Variants in DOK5 observed in about 807,000 individuals in gnomAD.
DOK5 encodes docking protein 5.
Under a neutral mutation model 43.3 loss-of-function variants are expected in DOK5, and 27 were observed. The observed-to-expected ratio is 0.62, with a 90% confidence interval of 0.46 to 0.86. The LOEUF is 0.86. Ranked by LOEUF, DOK5 falls within the 40% of genes least tolerant of loss-of-function variation. The pLI, the probability that DOK5 is intolerant of heterozygous loss-of-function variation, is 0.00. For synonymous variants in DOK5, 146 were observed against 140.1 expected, an observed-to-expected ratio of 1.04 and a Z score of -0.30; for missense variants, 373 against 392.9, an observed-to-expected ratio of 0.95 and a Z score of 0.43.
Position 54,500,629 on chromosome 20 carries a change from T to G in DOK5, c.66+24617T>G, listed in dbSNP as rs376243677. Reference sequence around the variant, plus strand: ...CGGGCTGGAGTATAGTGGCACGATCTCGGCTCACCACAACCTCTACCTCCC... The same window carrying G: ...CGGGCTGGAGTATAGTGGCACGATCGCGGCTCACCACAACCTCTACCTCCC... On this transcript the variant is annotated intron_variant, in intron 1 of 7. Transcript: ENST00000262593. 4.1e-3 allele frequency among the ~76,000 whole-genome samples: 609 copies of G among 149,038 alleles called. 5 individuals are homozygous for G. Among genetic ancestry groups the G allele is most frequent in the African/African-American group, 0.014 (578 of 40,224 alleles).
intron 2 of DOK5, among the ~76,000 whole-genome samples, chr20:54,585,986 T>C (rs1482015442): frequency 6.6e-6 from 1 of 152,000 alleles, no homozygotes; most frequent in Non-Finnish European, 1.5e-5. Context: ...TAGCTGAGTG[T>C]GGTGGTGGGC....
chr20:54,567,455 A>G (rs1465162110), intron 2 of DOK5, among the ~76,000 whole-genome samples: 1 of 152,034 alleles, frequency 6.6e-6, no homozygotes, highest in East Asian at 1.9e-4. Flanking sequence ...TCCTTATTGA[A>G]TTGATTTTTT....
chr20:54,643,502 G>T lies in DOK5; in HGVS notation c.780G>T (p.Met260Ile). ...MSERAASLST[M>I]VPLPRSAYWQ... The stretch of plus-strand genomic sequence containing the variant: ...AGCGGGCCGCCTCGCTGAGCACCAT[G>T]GTGCCCCTGCCTCGCAGCGCCTACT... Residue 260 changes from methionine (M) to isoleucine (I), a missense_variant, in exon 7 of 8, where the codon ATG becomes ATT. By Grantham distance (10) the Met-to-Ile change is conservative. Coordinates refer to ENST00000262593, the MANE Select transcript of DOK5 (RefSeq NM_018431.5). The T allele has an allele frequency of 1.2e-6, 2 of 1,613,654 alleles. No individual in the cohort carries two copies. Among genetic ancestry groups the T allele is most frequent in the Non-Finnish European group, 1.7e-6 (2 of 1,180,034 alleles).
At chr20:54,645,529 C>G (rs1045864402) in intron 7 of DOK5, among the ~76,000 whole-genome samples, 2 of 152,082 alleles carry the variant, frequency 1.3e-5, no homozygotes, top group Admixed American at 6.5e-5. Context: ...ATGCTGCGCC[C>G]GTCCCTCATC....
At chr20:54,591,562 T>G in intron 4 of DOK5, 54 bp from the exon 5 acceptor site, 1 of 1,369,274 alleles carries the variant, frequency 7.3e-7, no homozygotes, top group Non-Finnish European at 1.0e-6. Context: ...TCCTACAATG[T>G]CTTTGATGTT....
chr20:54,575,193 A>T (rs751526436), intron 2 of DOK5, among the ~76,000 whole-genome samples: 1 of 152,326 alleles, frequency 6.6e-6, no homozygotes, highest in African/African-American at 2.4e-5. Context: ...AACAGGCAGG[A>T]ATCATTTACA....
intron 6 of DOK5, among the ~76,000 whole-genome samples, chr20:54,634,925 AC>A (rs1244707339): frequency 1.3e-5 from 2 of 152,024 alleles, no homozygotes; most frequent in East Asian, 3.9e-4. Flanking sequence ...CTAAGAAGAA[AC>A]CCCACCTCCT....
chr20:54,585,307 G>C (rs955117941), intron 2 of DOK5, among the ~76,000 whole-genome samples: 1 of 152,128 alleles, frequency 6.6e-6, no homozygotes, highest in Non-Finnish European at 1.5e-5. Context: ...CTCCTGAGCG[G>C]GGGTGTTCAG....
At chr20:54,500,785 T>C (rs6091901) in intron 1 of DOK5, among the ~76,000 whole-genome samples, 10,900 of 152,070 alleles carry the variant, frequency 0.072, 1,352 homozygotes, top group African/African-American at 0.25. Context: ...GGTCTCGAAC[T>C]CCCAACCTCA....
intron 1 of DOK5, 193 bp downstream of exon 1, chr20:54,476,205 T>A (rs574669896): frequency 1.0e-6 from 1 of 985,270 alleles, no homozygotes. Context: ...GGATCTATCT[T>A]TATCTCTTGG....
intron 1 of DOK5, among the ~76,000 whole-genome samples, chr20:54,500,104 C>A (rs1913856907): frequency 6.6e-6 from 1 of 152,012 alleles, no homozygotes; most frequent in South Asian, 2.1e-4. Context: ...CAAGAAGTTG[C>A]TAAATGAAAA....
chr20:54,548,572 A>G (rs1294782923), intron 1 of DOK5, among the ~76,000 whole-genome samples: 4 of 152,218 alleles, frequency 2.6e-5, no homozygotes, highest in Admixed American at 6.5e-5. Flanking sequence ...TGAAACTATT[A>G]TAGTTCGAAT....
chr20:54,573,543 T>C lies in DOK5; in HGVS notation c.175-14940T>C, dbSNP rs571963233. On this transcript the variant is annotated intron_variant, in intron 2 of 7. Coordinates refer to ENST00000262593, the MANE Select transcript of DOK5 (RefSeq NM_018431.5). ...TCTACTAAAAATACAAAAAATTAGC[T>C]GGGTGTGGTGGCACATGCGTGTATT... 4.0e-5 allele frequency among the ~76,000 whole-genome samples: 6 copies of C among 151,666 alleles called. No individual in the cohort carries two copies. The East Asian group carries it at 1.2e-3, about 29-fold the overall frequency.
intron 1 of DOK5, among the ~76,000 whole-genome samples, chr20:54,521,939 G>A (rs1406573139): frequency 6.6e-6 from 1 of 152,140 alleles, no homozygotes; most frequent in Non-Finnish European, 1.5e-5. Context: ...TGGAACCAGG[G>A]ACAAAGATGA....
chr20:54,588,562 A>C lies in DOK5; in HGVS notation c.254A>C (p.Asn85Thr). ...AAACATGCCATAGGGATTTATTTCA[A>C]TGACGATACCTCCAAGACTTTTGCT... ...TKKHAIGIYF[N>T]DDTSKTFACE... is the part of the protein sequence containing the mutation. Residue 85 changes from asparagine to threonine, a missense_variant, in exon 3 of 8, where the codon AAT (asparagine) becomes ACT (threonine). Transcript: ENST00000262593. 6.2e-7 allele frequency: 1 copy of C among 1,614,202 alleles called. No homozygotes were observed. Among genetic ancestry groups the C allele is most frequent in the Non-Finnish European group, 8.5e-7 (1 of 1,180,014 alleles).
intron 1 of DOK5, among the ~76,000 whole-genome samples, chr20:54,523,645 G>A (rs7262672): frequency 0.024 from 3,628 of 151,996 alleles, 145 homozygotes; most frequent in African/African-American, 0.083. Context: ...TGTTCTTGTC[G>A]CCCAGGCTGG....
chr20:54,525,601 T>G lies in DOK5; in HGVS notation c.67-29332T>G, dbSNP rs1983548673. Among the ~76,000 whole-genome samples, 8 of 152,232 alleles carry G rather than the reference T, an allele frequency of 5.3e-5. No homozygotes were observed. In the South Asian group the frequency reaches 1.7e-3, roughly 31 times the overall value. ...AGATGTTAAAGCCTGTTACTCAACC[T>G]GTTGGAAGTTTCTTCCTCTACAATG... On this transcript the variant is annotated intron_variant, in intron 1 of 7. Transcript: ENST00000262593.
At chr20:54,554,893 CAG>C in intron 1 of DOK5, 38 bp from the exon 2 acceptor site, 2 of 1,264,290 alleles carry the variant, frequency 1.6e-6, no homozygotes, top group Non-Finnish European at 2.3e-6. Flanking sequence ...AAATGTCAGT[CAG>C]GGGAGATGCT....
intron 1 of DOK5, 113 bp from the exon 2 acceptor site, chr20:54,554,820 A>G: frequency 1.5e-6 from 1 of 679,576 alleles, no homozygotes; most frequent in South Asian, 2.0e-5. Context: ...ACAAAGCAAC[A>G]TCACATTTCT....
Sources: gnomAD v4.1 joint callset for allele counts (sites outside exome capture counted in the v4.1 genomes callset) on GRCh38, gnomAD v4.1.1 for gene constraint, MANE v1.5 for transcripts, NCBI Gene and HGNC (gene_info 2026-07-23, HGNC 2026-07-21) for gene names.